Variants in FREM2 observed in about 807,000 individuals in gnomAD.
The protein encoded by FREM2 is FRAS1 related extracellular matrix 2.
A neutral mutation model predicts 219.9 loss-of-function variants in FREM2; 119 were observed. The observed-to-expected ratio is 0.54, with a 90% CI of 0.47 to 0.63. The LOEUF (loss-of-function observed/expected upper bound fraction) is 0.63, where lower values mean the gene tolerates loss of function less well. Ranked by LOEUF, FREM2 falls within the 30% of genes least tolerant of loss-of-function variation. The probability of loss-of-function intolerance (pLI) is 0.00; values close to 1 mark genes in which losing one functional copy is unlikely to be tolerated. For synonymous variants in FREM2, 1,562 were observed against 1,522.8 expected, an observed-to-expected ratio of 1.03 and a Z score of -0.60; for missense variants, 4,030 against 3,993.6, an observed-to-expected ratio of 1.01 and a Z score of -0.25.
chr13:38,877,006 T>C, intron 20 of FREM2, 111 bp from the exon 21 acceptor site: 6 of 1,257,016 alleles, frequency 4.8e-6, no homozygotes, highest in Non-Finnish European at 7.0e-6. Flanking sequence ...AAAATTGCGA[T>C]GCAGTGTTTA....
intron 7 of FREM2, among the ~76,000 whole-genome samples, chr13:38,847,957 G>A (rs1877225201): frequency 6.6e-6 from 1 of 152,066 alleles, no homozygotes. Context: ...ATGGAGTGTG[G>A]GCAGAGCTGG....
At chr13:38,857,783 G>A in intron 12 of FREM2, 92 bp from the exon 13 acceptor site, 2 of 1,097,028 alleles carry the variant, frequency 1.8e-6, no homozygotes, top group Middle Eastern at 2.0e-4. Context: ...GAGGCCATGG[G>A]GTTGCCAGGG....
chr13:38,688,281 G>T lies in FREM2; in HGVS notation c.937G>T (p.Ala313Ser), dbSNP rs1869594420. The T allele has an allele frequency of 9.3e-6, 15 of 1,614,104 alleles. No homozygotes were observed. The highest frequency in any genetic ancestry group is 1.3e-5 in the African/African-American group (1 of 75,062). The change falls in exon 1 of 24, where the codon GCC (alanine) becomes TCC (serine). Residue 313 changes from alanine to serine, a missense_variant. Transcript: ENST00000280481. ...GGTTCTGGTGAGGATCCGAGGAGGG[G>T]CCGAGAACACTGCACCCAAGCCCAG... is the stretch of plus-strand genomic sequence containing the variant. The part of the protein sequence containing the change: ...FQVLVRIRGG[A>S]ENTAPKPSFV...
intron 2 of FREM2, among the ~76,000 whole-genome samples, chr13:38,727,478 C>T (rs780577180): frequency 9.2e-5 from 14 of 152,086 alleles, no homozygotes; most frequent in Non-Finnish European, 1.6e-4. Context: ...GACTCCATCT[C>T]AAAAAACAAA....
chr13:38,871,988 C>T (rs1333381500), intron 16 of FREM2, among the ~76,000 whole-genome samples: 1 of 151,940 alleles, frequency 6.6e-6, no homozygotes, highest in Non-Finnish European at 1.5e-5. Context: ...TTCATATTCC[C>T]TTAATAAAAA....
At chr13:38,751,518 G>A (rs9603415) in intron 2 of FREM2, among the ~76,000 whole-genome samples, 6,065 of 152,082 alleles carry the variant, frequency 0.04, 168 homozygotes, top group East Asian at 0.15. Flanking sequence ...CTTCCTCTGG[G>A]AGGGGCCCAT....
chr13:38,694,744 T>A (rs190508117), intron 1 of FREM2, among the ~76,000 whole-genome samples: 7 of 152,328 alleles, frequency 4.6e-5, no homozygotes, highest in African/African-American at 1.7e-4. Context: ...AAGTTAACAA[T>A]GTATAATTAG....
intron 12 of FREM2, among the ~76,000 whole-genome samples, chr13:38,856,877 T>A (rs1300431989): frequency 6.6e-6 from 1 of 152,148 alleles, no homozygotes; most frequent in African/African-American, 2.4e-5. Flanking sequence ...TTGGAATGTA[T>A]TAATTTTTTA....
Position 38,775,671 on chromosome 13 carries a change from G to A in FREM2, c.5641+5863G>A, listed in dbSNP as rs192353645. ...GTCTCACTCTGTCACCCAGGCTGGA[G>A]CGAAGTGGCACAATCTTGGCTCACT... On this transcript the variant is annotated intron_variant, in intron 4 of 23. Coordinates refer to ENST00000280481, the MANE Select transcript of FREM2 (RefSeq NM_207361.6). Among the ~76,000 whole-genome samples the A allele has an allele frequency of 1.1e-3, 168 of 152,278 alleles. 1 individual carries two copies. Among genetic ancestry groups the A allele is most frequent in the African/African-American group, 3.6e-3 (149 of 41,550 alleles).
rs143509403 is a variant in FREM2, at chr13:38,848,667, G to A, written c.6376G>A (p.Asp2126Asn). 8.0e-5 allele frequency: 129 copies of A among 1,609,320 alleles called. No homozygotes were observed. The highest frequency in any genetic ancestry group is 2.0e-4 in the Admixed American group (12 of 59,950). ...ATVSINDSVS[D>N]LPKMQFKERI... ...AGTGTCCATAAATGACTCTGTCTCC[G>A]ATTGTGAGTGTTTATTAATTTTATA... The change falls in exon 8 of 24, where the codon GAT becomes AAT. Residue 2126 changes from aspartate to asparagine, a missense_variant. By Grantham distance (23) the Asp-to-Asn change is conservative. Transcript: ENST00000280481.
At chr13:38,781,828 C>G (rs1874129401) in intron 4 of FREM2, among the ~76,000 whole-genome samples, 1 of 152,196 alleles carries the variant, frequency 6.6e-6, no homozygotes, top group Non-Finnish European at 1.5e-5. Flanking sequence ...CCCATCACCA[C>G]CTCTAGGCAC....
chr13:38,730,341 T>C (rs1379807943), intron 2 of FREM2, among the ~76,000 whole-genome samples: 1 of 152,238 alleles, frequency 6.6e-6, no homozygotes, highest in East Asian at 1.9e-4. Flanking sequence ...ATTCTGTCTG[T>C]TCACCATCAT....
At chr13:38,696,645 T>G (rs1420765278) in intron 1 of FREM2, among the ~76,000 whole-genome samples, 1 of 152,162 alleles carries the variant, frequency 6.6e-6, no homozygotes, top group Non-Finnish European at 1.5e-5. Context: ...ATGTTGTATG[T>G]GTGGCATCAT....
At chr13:38,749,623 G>A (rs1872645134) in intron 2 of FREM2, among the ~76,000 whole-genome samples, 1 of 151,960 alleles carries the variant, frequency 6.6e-6, no homozygotes, top group East Asian at 1.9e-4. Context: ...TGCCTTGTGG[G>A]ATCTGTAGCT....
At chr13:38,709,750 G>A (rs1181441559) in intron 2 of FREM2, among the ~76,000 whole-genome samples, 1 of 151,598 alleles carries the variant, frequency 6.6e-6, no homozygotes, top group East Asian at 2.0e-4. Flanking sequence ...CTAGGACCGT[G>A]ATTTGACACA....
In FREM2 at chr13:38,738,598, T is replaced by G. The variant is rs923795332; in HGVS notation, c.5264-25706T>G. On this transcript the variant is annotated intron_variant, in intron 2 of 23. Transcript: ENST00000280481. ...AAAAAAAAAAAAAAAAAAAGAGAGA[T>G]AGAAAAAAAAGGAAAGGGGATGATC... Among the ~76,000 whole-genome samples, 950 of 106,644 alleles carry G rather than the reference T, an allele frequency of 8.9e-3. 6 individuals carry two copies. Among genetic ancestry groups the G allele is most frequent in the Non-Finnish European group, 0.014 (706 of 51,542 alleles). 70.0% of individuals were successfully genotyped at this position (106,644 alleles called of 152,430 possible).
intron 4 of FREM2, among the ~76,000 whole-genome samples, chr13:38,778,744 G>A (rs1217293921): frequency 3.3e-5 from 5 of 151,938 alleles, no homozygotes; most frequent in Non-Finnish European, 5.9e-5. Flanking sequence ...AAGCCATCGT[G>A]GCACACATTT....
At chr13:38,804,865 G>T (rs1350555685) in intron 6 of FREM2, among the ~76,000 whole-genome samples, 1 of 152,088 alleles carries the variant, frequency 6.6e-6, no homozygotes, top group African/African-American at 2.4e-5. Flanking sequence ...CTTGGATTGG[G>T]AGTTAGGAGT....
intron 6 of FREM2, among the ~76,000 whole-genome samples, chr13:38,789,054 C>A (rs897951450): frequency 1.3e-5 from 2 of 151,880 alleles, no homozygotes; most frequent in Non-Finnish European, 2.9e-5. Flanking sequence ...AAGAATATTT[C>A]ATTTTAGTAT....
Sources: allele counts gnomAD v4.1 joint callset (sites outside exome capture counted in the v4.1 genomes callset), GRCh38; gene constraint gnomAD v4.1.1; transcripts MANE v1.5; gene names NCBI Gene and HGNC (gene_info 2026-07-23, HGNC 2026-07-21).